Variants in ZNF17 observed in about 807,000 individuals in gnomAD.
ZNF17 encodes the protein zinc finger protein 17, also known as zinc finger protein 17 (HPF3, KOX 10).
ZNF17 carries 4 observed loss-of-function variants against 7.7 expected under a neutral mutation model. The ratio of observed to expected loss-of-function variants is 0.52; its 90% confidence interval spans 0.26 to 1.20. The LOEUF is 1.20. Ranked by LOEUF, ZNF17 falls within the 50% of genes most tolerant of loss-of-function variation. The pLI, the probability that ZNF17 is intolerant of heterozygous loss-of-function variation, is 0.14. For missense variants in ZNF17, 738 were observed against 799.5 expected, an observed-to-expected ratio of 0.92 and a Z score of 0.93; for synonymous variants, 249 against 258.8, an observed-to-expected ratio of 0.96 and a Z score of 0.36.
Position 57,420,847 on chromosome 19 carries a change from G to T in ZNF17, c.1361G>T (p.Arg454Met), listed in dbSNP as rs773653084. Residue 454 changes from arginine (R) to methionine (M), a missense_variant, in exon 4 of 4, where the codon AGG becomes ATG. Around this residue, in one of 3 missense-constraint regions of ZNF17, gnomAD observed 616 missense variants for 663.9 expected, o/e 0.93. Coordinates refer to ENST00000307658, the MANE Select transcript of ZNF17 (RefSeq NM_001330617.2). Reference protein sequence around the residue: ...YECNKCGKFFRYCFTLNRHQR... With the variant: ...YECNKCGKFFMYCFTLNRHQR... ...TGCAACAAATGTGGGAAATTCTTTA[G>T]GTATTGCTTCACACTGAATAGACAT... 1.2e-6 allele frequency: 2 copies of T among 1,614,052 alleles called. No homozygotes were observed. The highest frequency in any genetic ancestry group is 1.7e-6 in the Non-Finnish European group (2 of 1,180,010).
rs770748912 is a variant in ZNF17, at chr19:57,420,621, CAG to C, written c.1140_1141del (p.Arg380SerfsTer9). 3 of 1,614,030 alleles carry C rather than the reference CAG, an allele frequency of 1.9e-6. No individual in the cohort carries two copies. Among genetic ancestry groups the C allele is most frequent in the Non-Finnish European group, 2.5e-6 (3 of 1,180,042 alleles). ...GGACAGCTGCACACTCATTATTCACCAGAGAGTTCATACTGGAGAAAAACCTT... is the reference window on the plus strand; with the variant it reads ...GGACAGCTGCACACTCATTATTCACCAGAGTTCATACTGGAGAAAAACCTT... ...FMDSCTLIIH[Q>X]RVHTGEKPYE... is the part of the protein sequence containing the mutation. On this transcript the variant is annotated frameshift_variant, in exon 4 of 4. Coordinates refer to ENST00000307658, the MANE Select transcript of ZNF17 (RefSeq NM_001330617.2). LOFTEE classifies it low-confidence loss of function (END_TRUNC).
At chr19:57,413,419 A>G in intron 1 of ZNF17, 177 bp from the exon 2 acceptor site, 1 of 604,414 alleles carries the variant, frequency 1.7e-6, no homozygotes. Flanking sequence ...TCTATTTTAC[A>G]CATAAGGGCA....
At position 57,421,778 on chromosome 19, in the gene ZNF17, A is replaced by G. The variant is rs1216554572; in HGVS notation, c.*297A>G. On this transcript the variant is annotated 3_prime_UTR_variant, in exon 4 of 4. Transcript: ENST00000307658. ...CTGTATGAATTTTACTAGTCCGGGT[A>G]CCTCATATAAGAAAACTTAAGTTTT... 3.8e-6 allele frequency: 1 copy of G among 260,356 alleles called. No individual in the cohort carries two copies. Among genetic ancestry groups the G allele is most frequent in the Non-Finnish European group, 7.2e-6 (1 of 139,490 alleles). The allele number at this position is 260,356 out of a possible 1,614,324, so 16.1% of individuals were successfully genotyped here. A position where few individuals can be genotyped will look rare whatever the true frequency, so the allele number is the denominator to read the frequency against.
chr19:57,420,423 T>C lies in ZNF17; in HGVS notation c.937T>C (p.Phe313Leu), dbSNP rs1318456492. 1 of 1,614,078 alleles carries C rather than the reference T, an allele frequency of 6.2e-7. No individual in the cohort carries two copies. Among genetic ancestry groups the C allele is most frequent in the Non-Finnish European group, 8.5e-7 (1 of 1,180,050 alleles). The change falls in exon 4 of 4, where the codon TTC (phenylalanine) becomes CTC (leucine). Residue 313 changes from phenylalanine to leucine, a missense_variant. Physicochemically the swap from Phe to Leu is conservative, Grantham distance 22. Around this residue, in one of 3 missense-constraint regions of ZNF17, gnomAD observed 616 missense variants for 663.9 expected, o/e 0.93. Coordinates refer to ENST00000307658, the MANE Select transcript of ZNF17 (RefSeq NM_001330617.2). ...PYVCSECGKA[F>L]LTQAHLVGHQ... The stretch of plus-strand genomic sequence containing the variant: ...TGTGTGTAGTGAATGTGGGAAGGCC[T>C]TCCTTACACAGGCTCACCTTGTTGG...
In ZNF17 at chr19:57,413,568, A is replaced by C. The variant is rs192383028; in HGVS notation, c.-20-28A>C. 5.9e-6 allele frequency: 9 copies of C among 1,535,492 alleles called. 1 individual carries two copies. In the Middle Eastern group the frequency reaches 5.5e-4, roughly 93 times the overall value. On this transcript the variant is annotated intron_variant, in intron 1 of 3. Coordinates refer to ENST00000307658, the MANE Select transcript of ZNF17 (RefSeq NM_001330617.2). The stretch of plus-strand genomic sequence containing the variant: ...CTGTAGGATGCTGCAATGCTGTCTT[A>C]ATCCTCATGGCCTGCCTCTTCCCAC...
Position 57,420,230 on chromosome 19 carries a change from T to C in ZNF17, c.744T>C (p.Tyr248=), listed in dbSNP as rs761307661. The change falls in exon 4 of 4, where the codon TAT becomes TAC. Residue 248 remains tyrosine, a synonymous_variant. Coordinates refer to ENST00000307658, the MANE Select transcript of ZNF17 (RefSeq NM_001330617.2). ...HQRNHTGERP[Y]KCSECGKAFS... ...GAAATCATACTGGAGAAAGGCCTTA[T>C]AAGTGTAGTGAATGTGGAAAAGCCT... 1.9e-6 allele frequency: 3 copies of C among 1,614,200 alleles called. No individual in the cohort carries two copies. Among genetic ancestry groups the C allele is most frequent in the South Asian group, 2.2e-5 (2 of 91,084 alleles).
rs1183807382 is a variant in ZNF17 at position 57,419,685 on chromosome 19, T to C, written c.199T>C (p.Ser67Pro). 6.2e-7 allele frequency: 1 copy of C among 1,614,044 alleles called. No homozygotes were observed. Among genetic ancestry groups the C allele is most frequent in the East Asian group, 2.2e-5 (1 of 44,900 alleles). The change falls in exon 4 of 4, where the codon TCT becomes CCT. Residue 67 changes from serine to proline, a missense_variant. This residue lies in a region of ZNF17 where 616 missense variants were observed against 663.9 expected (regional missense o/e 0.93). Coordinates refer to ENST00000307658, the MANE Select transcript of ZNF17 (RefSeq NM_001330617.2). ...GGAGGCACCTTCCAAGCAATGTGTT[T>C]CTGTAGGAGTGTCACAGGTCACAAC... ...DEEAPSKQCV[S>P]VGVSQVTTLK...
intron 3 of ZNF17, among the ~76,000 whole-genome samples, chr19:57,418,881 TTG>T (rs1338801671): frequency 9.1e-6 from 1 of 109,868 alleles, no homozygotes; most frequent in African/African-American, 5.3e-5. Flanking sequence ...TTCCCGTTTT[TTG>T]TTTTTTTTTT....
At position 57,421,433 on chromosome 19, in the gene ZNF17, T is replaced by C; in HGVS notation, c.1947T>C (p.Phe649=). ...PYQCSECGRV[F]NQNSHLIQHQ... is the part of the protein sequence containing the mutation. ...AGTGCAGTGAATGTGGAAGAGTCTT[T>C]AACCAAAATTCTCATCTCATTCAGC... The change falls in exon 4 of 4, where the codon TTT becomes TTC. Residue 649 remains phenylalanine, a synonymous_variant. Transcript: ENST00000307658. 1.2e-6 allele frequency: 2 copies of C among 1,612,982 alleles called. No individual in the cohort carries two copies. Among genetic ancestry groups the C allele is most frequent in the Non-Finnish European group, 1.7e-6 (2 of 1,179,540 alleles).
At chr19:57,417,740 A>G (rs539801024) in intron 2 of ZNF17, among the ~76,000 whole-genome samples, 172 bp from the exon 3 acceptor site, 1 of 151,544 alleles carries the variant, frequency 6.6e-6, no homozygotes, top group South Asian at 2.1e-4. Context: ...CCAGCTACTC[A>G]GGAGGCTGAG....
chr19:57,414,628 C>G (rs1362690977), intron 2 of ZNF17, among the ~76,000 whole-genome samples: 1 of 151,994 alleles, frequency 6.6e-6, no homozygotes, highest in Non-Finnish European at 1.5e-5. Context: ...AGCCACCGTG[C>G]CCAGTGGTTC....
At position 57,420,119 on chromosome 19, in the gene ZNF17, GA is replaced by G; in HGVS notation, c.637del (p.Ile213SerfsTer247). On this transcript the variant is annotated frameshift_variant, in exon 4 of 4. Transcript: ENST00000307658. LOFTEE classifies it low-confidence loss of function (END_TRUNC). ...CHQHTLFEHQ[K>X]IHTEERPYEC... ...ACCAACATACACTGTTTGAGCACCA[GA>G]AAATCCACACAGAGGAAAGGCCTTA... 6.2e-7 allele frequency: 1 copy of G among 1,614,236 alleles called. No individual in the cohort carries two copies. The highest frequency in any genetic ancestry group is 2.2e-5 in the East Asian group (1 of 44,888).
At position 57,412,885 on chromosome 19, in the gene ZNF17, C is replaced by CT. The variant is rs1200936532; in HGVS notation, c.-20-700dup. 5.2e-3 allele frequency among the ~76,000 whole-genome samples: 737 copies of CT among 142,118 alleles called. 2 individuals carry two copies. The highest frequency in any genetic ancestry group is 1.0e-2 in the African/African-American group (388 of 38,930). 93.2% of individuals were successfully genotyped at this position (142,118 alleles called of 152,430 possible). A position where few individuals can be genotyped will look rare whatever the true frequency, so the allele number is the denominator to read the frequency against. On this transcript the variant is annotated intron_variant, in intron 1 of 3. Transcript: ENST00000307658. ...TGTTGAATGTTGATTTTTCTTTTTTCTTTTTTTTTTTGAGACGGAGTCTCG... is the reference window on the plus strand; with the variant it reads ...TGTTGAATGTTGATTTTTCTTTTTTCTTTTTTTTTTTTGAGACGGAGTCTCG...
rs566356120 is a variant in ZNF17, at chr19:57,420,993, A to G, written c.1507A>G (p.Ser503Gly). The change falls in exon 4 of 4, where the codon AGC (serine) becomes GGC (glycine). Residue 503 changes from serine to glycine, a missense_variant. Around this residue, in one of 3 missense-constraint regions of ZNF17, gnomAD observed 616 missense variants for 663.9 expected, o/e 0.93. Transcript: ENST00000307658. ...VHTGERPFEC[S>G]ICGKSFRCRS... is the part of the protein sequence containing the mutation. ...CACTGGAGAAAGACCTTTTGAATGCAGCATTTGTGGGAAATCCTTTAGATG... is the reference window on the plus strand; with the variant it reads ...CACTGGAGAAAGACCTTTTGAATGCGGCATTTGTGGGAAATCCTTTAGATG... 4 of 1,614,210 alleles carry G rather than the reference A, an allele frequency of 2.5e-6. No homozygotes were observed. In the African/African-American group the frequency reaches 5.3e-5, roughly 22 times the overall value.
chr19:57,419,948 T>G lies in ZNF17; in HGVS notation c.462T>G (p.Gly154=). The change falls in exon 4 of 4, where the codon GGT becomes GGG. Residue 154 remains glycine (G), a synonymous_variant. Transcript: ENST00000307658. ...AGAGGAACCTCACATGCATGCAGGGTGGCAAGGATTTTACTGGTGATTCAG... is the reference window on the plus strand; with the variant it reads ...AGAGGAACCTCACATGCATGCAGGGGGGCAAGGATTTTACTGGTGATTCAG... ...LAKRNLTCMQ[G]GKDFTGDSDL... 1 of 1,614,172 alleles carries G rather than the reference T, an allele frequency of 6.2e-7. No homozygotes were observed. The highest frequency in any genetic ancestry group is 8.5e-7 in the Non-Finnish European group (1 of 1,180,016).
In ZNF17 at chr19:57,421,298, A is replaced by G. The variant is rs1321385098; in HGVS notation, c.1812A>G (p.Arg604=). ...GCTCCACACTCATTAGTCATGAGAG[A>G]GTTCATACTGGAGAAAAGCCTTATG... ...MDSSTLISHE[R]VHTGEKPYEC... The change falls in exon 4 of 4, where the codon AGA becomes AGG. Residue 604 remains arginine, a synonymous_variant. Coordinates refer to ENST00000307658, the MANE Select transcript of ZNF17 (RefSeq NM_001330617.2). 1.2e-6 allele frequency: 2 copies of G among 1,614,000 alleles called. No individual in the cohort carries two copies. The highest frequency in any genetic ancestry group is 1.7e-6 in the Non-Finnish European group (2 of 1,180,004).
At position 57,419,713 on chromosome 19, in the gene ZNF17, T is replaced by A; in HGVS notation, c.227T>A (p.Leu76Ter). The A allele has an allele frequency of 9.9e-6, 16 of 1,614,192 alleles. No individual in the cohort carries two copies. Among genetic ancestry groups the A allele is most frequent in the Non-Finnish European group, 1.3e-5 (15 of 1,180,038 alleles). The change falls in exon 4 of 4, where the codon TTA (leucine) becomes TAA (stop). Residue 76 changes from leucine to a stop codon, truncating the protein, a stop_gained. Transcript: ENST00000307658. LOFTEE classifies it low-confidence loss of function (END_TRUNC). ...GTAGGAGTGTCACAGGTCACAACTTTAAAGCCAGCTTTGTCCACCCAGAAG... is the reference window on the plus strand; with the variant it reads ...GTAGGAGTGTCACAGGTCACAACTTAAAAGCCAGCTTTGTCCACCCAGAAG... ...VSVGVSQVTT[L>*]KPALSTQKAQ...
At chr19:57,418,073 T>G in intron 3 of ZNF17, 35 bp downstream of exon 3, 1 of 1,586,872 alleles carries the variant, frequency 6.3e-7, no homozygotes, top group Non-Finnish European at 8.6e-7. Context: ...TGTCTTGTGC[T>G]GGGCAATGTT....
At chr19:57,413,342 A>T (rs2088790558) in intron 1 of ZNF17, 1 of 428,238 alleles carries the variant, frequency 2.3e-6, no homozygotes, top group Admixed American at 3.6e-5. Context: ...GAAATTGCTG[A>T]TACATAGTGT....
Sources: allele counts gnomAD v4.1 joint callset (sites outside exome capture counted in the v4.1 genomes callset), GRCh38; gene constraint gnomAD v4.1.1; regional missense constraint gnomAD v4.1.1; transcripts MANE v1.5; gene names NCBI Gene and HGNC (gene_info 2026-07-23, HGNC 2026-07-21).